The following GRM7 variants were observed in gnomAD, a reference collection of about 807,000 sequenced individuals.
GRM7 encodes glutamate metabotropic receptor 7.
GRM7 carries 35 observed loss-of-function variants against 84.5 expected under a neutral mutation model. The observed-to-expected ratio is 0.41, with a 90% confidence interval of 0.32 to 0.55. The LOEUF (loss-of-function observed/expected upper bound fraction) is 0.55. GRM7 is among the 20% of genes least tolerant of loss of function. The probability of loss-of-function intolerance (pLI) is 0.19; values close to 1 mark genes in which losing one functional copy is unlikely to be tolerated. For missense variants in GRM7, 1,003 were observed against 1,194.6 expected (o/e 0.84, Z 2.36); for synonymous variants, 487 against 455.1 (o/e 1.07, Z -0.89).
chr3:7,476,076 G>A (rs1160262838), intron 7 of GRM7, among the ~76,000 whole-genome samples: 1 of 152,132 alleles, frequency 6.6e-6, no homozygotes, highest in African/African-American at 2.4e-5. Context: ...GTCATATGGG[G>A]GTGTTACAAA....
intron 1 of GRM7, among the ~76,000 whole-genome samples, chr3:7,086,947 G>T (rs1698478180): frequency 6.6e-6 from 1 of 152,100 alleles, no homozygotes; most frequent in African/African-American, 2.4e-5. Flanking sequence ...ATTTTGTGTA[G>T]CTGTCATTCT....
chr3:7,223,706 C>T (rs1449701116), intron 2 of GRM7, among the ~76,000 whole-genome samples: 2 of 152,166 alleles, frequency 1.3e-5, no homozygotes, highest in Non-Finnish European at 1.5e-5. Flanking sequence ...ATATCATTCT[C>T]ACAGGGACAC....
At chr3:7,685,432 A>C (rs1049100411) in intron 9 of GRM7, among the ~76,000 whole-genome samples, 21 of 152,168 alleles carry the variant, frequency 1.4e-4, no homozygotes, top group Admixed American at 2.0e-4. Flanking sequence ...TTACTCTGGC[A>C]GGTCAGCAGC....
intron 1 of GRM7, among the ~76,000 whole-genome samples, chr3:7,079,369 T>A (rs1450076899): frequency 6.6e-6 from 1 of 152,170 alleles, no homozygotes; most frequent in Non-Finnish European, 1.5e-5. Context: ...TAAAGGTCAC[T>A]GTGCTCTTTA....
chr3:7,407,345 C>G (rs1230892411), intron 4 of GRM7, among the ~76,000 whole-genome samples: 2 of 152,150 alleles, frequency 1.3e-5, no homozygotes, highest in Admixed American at 1.3e-4. Flanking sequence ...TTCTACTGAC[C>G]TTGTGCATCT....
At chr3:7,054,751 T>TTC (rs921379271) in intron 1 of GRM7, among the ~76,000 whole-genome samples, 4 of 151,764 alleles carry the variant, frequency 2.6e-5, no homozygotes, top group African/African-American at 7.3e-5. Flanking sequence ...GTCTCTCTCT[T>TTC]TCTCTCTCTC....
At chr3:7,396,192 A>C (rs1695206815) in intron 4 of GRM7, among the ~76,000 whole-genome samples, 1 of 152,148 alleles carries the variant, frequency 6.6e-6, no homozygotes, top group Admixed American at 6.5e-5. Context: ...TGGACAAAAC[A>C]AAAAATTTCC....
In GRM7 at chr3:7,515,404, G is replaced by A. The variant is rs993048785; in HGVS notation, c.1515+53682G>A. On this transcript the variant is annotated intron_variant, in intron 7 of 9. Transcript: ENST00000357716. Reference sequence around the variant, plus strand: ...TATCAAATACCAGGAGCACTGCCCCGAGCTGACAATCAAAAATGTCACCAG... The same window carrying A: ...TATCAAATACCAGGAGCACTGCCCCAAGCTGACAATCAAAAATGTCACCAG... 8.6e-5 allele frequency among the ~76,000 whole-genome samples: 13 copies of A among 152,044 alleles called. 1 individual carries two copies. In the East Asian group the frequency reaches 9.7e-4, roughly 11 times the overall value.
At chr3:7,026,407 G>A (rs1695983839) in intron 1 of GRM7, among the ~76,000 whole-genome samples, 1 of 152,162 alleles carries the variant, frequency 6.6e-6, no homozygotes, top group Non-Finnish European at 1.5e-5. Context: ...GCCTCTTTGA[G>A]GTCCCCATCA....
chr3:7,712,410 T>A lies in GRM7; in HGVS notation c.2699-27947T>A, dbSNP rs542286305. Among the ~76,000 whole-genome samples, 7 of 152,042 alleles carry A rather than the reference T, an allele frequency of 4.6e-5. No individual in the cohort carries two copies. The South Asian group carries it at 1.2e-3, about 27-fold the overall frequency. On this transcript the variant is annotated intron_variant, in intron 9 of 9. Transcript: ENST00000357716. ...AAGGCCTATTGTGGAAAGATGACTT[T>A]CTCTCTCTCTTCCTCCTCCCTCTCC...
At chr3:7,515,181 A>C (rs1407622963) in intron 7 of GRM7, among the ~76,000 whole-genome samples, 1 of 151,164 alleles carries the variant, frequency 6.6e-6, no homozygotes, top group Non-Finnish European at 1.5e-5. Flanking sequence ...GTTCCTTTAA[A>C]ACACAAGTGC....
chr3:6,980,388 G>A (rs920635677), intron 1 of GRM7, among the ~76,000 whole-genome samples: 5 of 152,104 alleles, frequency 3.3e-5, no homozygotes, highest in South Asian at 2.1e-4. Context: ...TGGTAATGGA[G>A]CCATGGGTGA....
chr3:6,963,157 A>G (rs1362183051), intron 1 of GRM7, among the ~76,000 whole-genome samples: 2 of 152,196 alleles, frequency 1.3e-5, no homozygotes, highest in African/African-American at 2.4e-5. Flanking sequence ...CAAAGTGGGT[A>G]TAACTGCTGC....
At chr3:6,927,463 G>GAGAA (rs796767040) in intron 1 of GRM7, among the ~76,000 whole-genome samples, 8,746 of 92,574 alleles carry the variant, frequency 0.094, 368 homozygotes, top group Non-Finnish European at 0.15. Context: ...GAAAGAGAGA[G>GAGAA]AGAAAGAAAG....
At chr3:7,172,443 G>C (rs907414182) in intron 2 of GRM7, among the ~76,000 whole-genome samples, 7 of 151,990 alleles carry the variant, frequency 4.6e-5, no homozygotes, top group Non-Finnish European at 7.4e-5. Flanking sequence ...TCAAGAGCTG[G>C]ACTCATCTAT....
intron 2 of GRM7, among the ~76,000 whole-genome samples, chr3:7,240,119 G>GGTTTTTTTTT (rs1697494831): frequency 5.2e-5 from 1 of 19,178 alleles, no homozygotes; most frequent in Non-Finnish European, 1.1e-4. Flanking sequence ...TAGCATGTGA[G>GGTTTTTTTTT]GTTTTTTTTT....
chr3:7,545,380 G>A (rs1014887734), intron 7 of GRM7, among the ~76,000 whole-genome samples: 4 of 152,140 alleles, frequency 2.6e-5, no homozygotes, highest in African/African-American at 4.8e-5. Context: ...ATCCTTGATC[G>A]GAACAATTCC....
chr3:7,190,816 G>A (rs79093176), intron 2 of GRM7, among the ~76,000 whole-genome samples: 4 of 152,152 alleles, frequency 2.6e-5, no homozygotes, highest in East Asian at 3.9e-4. Context: ...AGAACAGCAG[G>A]TGCCCCTCTT....
Position 6,892,485 on chromosome 3 carries a change from A to G in GRM7, c.519+30578A>G, listed in dbSNP as rs542794081. The stretch of plus-strand genomic sequence containing the variant: ...ATCATTTTCTGCTCAAATCAGCTGT[A>G]TCTGGCTCCTGTTGCTTGCAAATAA... On this transcript the variant is annotated intron_variant, in intron 1 of 9. Coordinates refer to ENST00000357716, the MANE Select transcript of GRM7 (RefSeq NM_000844.4). The G allele has an allele frequency of 3.3e-5, 5 of 152,338 alleles. No individual in the cohort carries two copies. The East Asian group carries it at 5.8e-4, about 18-fold the overall frequency. The allele number at this position is 152,338 out of a possible 1,614,324, so 9.4% of individuals were successfully genotyped here.
Sources: allele counts gnomAD v4.1 joint callset (sites outside exome capture counted in the v4.1 genomes callset), GRCh38; gene constraint gnomAD v4.1.1; transcripts MANE v1.5; gene names NCBI Gene and HGNC (gene_info 2026-07-23, HGNC 2026-07-21).